The following MLLT3 variants were observed in gnomAD, a reference collection of about 807,000 sequenced individuals.
MLLT3 encodes protein AF-9.
A neutral mutation model predicts 53.2 loss-of-function variants in MLLT3; 4 were observed. The ratio of observed to expected loss-of-function variants is 0.08; its 90% CI spans 0.04 to 0.17. The LOEUF is 0.17. MLLT3 is among the 10% of genes least tolerant of loss of function. The pLI is 1.00. For synonymous variants in MLLT3, 283 were observed against 230.6 expected (o/e 1.23, Z -2.06); for missense variants, 569 against 684.0 (o/e 0.83, Z 1.87).
In MLLT3 at chr9:20,436,860, T is replaced by A. The variant is rs886640652; in HGVS notation, c.420+11263A>T. On this transcript the variant is annotated intron_variant, in intron 4 of 10. Coordinates refer to ENST00000380338, the MANE Select transcript of MLLT3 (RefSeq NM_004529.4). ...GCCCAGAATCTAAATGTATTAAAAA[T>A]AATGAAAGTGTTCATGGGTTTTTCC... Among the ~76,000 whole-genome samples the A allele has an allele frequency of 3.3e-5, 5 of 152,170 alleles. No homozygotes were observed. In the South Asian group the frequency reaches 6.2e-4, roughly 19 times the overall value.
intron 2 of MLLT3, among the ~76,000 whole-genome samples, chr9:20,594,377 T>C (rs751315334): frequency 2.2e-4 from 34 of 152,126 alleles, no homozygotes; most frequent in Non-Finnish European, 4.6e-4. Flanking sequence ...GAGACCCTAA[T>C]AGGCAGGAAT....
intron 2 of MLLT3, among the ~76,000 whole-genome samples, chr9:20,465,005 G>T (rs2118877036): frequency 6.6e-6 from 1 of 152,036 alleles, no homozygotes; most frequent in South Asian, 2.1e-4. Context: ...TTTATAAGTA[G>T]ACATAATTCT....
At chr9:20,615,290 G>C (rs1237671556) in intron 2 of MLLT3, among the ~76,000 whole-genome samples, 1 of 143,574 alleles carries the variant, frequency 7.0e-6, no homozygotes, top group East Asian at 2.2e-4. Flanking sequence ...TTGAGTCCAG[G>C]AGATGGAGGT....
At chr9:20,455,078 T>C (rs1299752711) in intron 3 of MLLT3, among the ~76,000 whole-genome samples, 1 of 152,206 alleles carries the variant, frequency 6.6e-6, no homozygotes, top group Non-Finnish European at 1.5e-5. Context: ...AAAACCATTT[T>C]CTTAAGGGAA....
chr9:20,508,198 A>C (rs1442280099), intron 2 of MLLT3, among the ~76,000 whole-genome samples: 1 of 152,192 alleles, frequency 6.6e-6, no homozygotes, highest in East Asian at 1.9e-4. Flanking sequence ...ACTGCAGGTA[A>C]ATGAAAAACC....
chr9:20,474,025 A>G (rs1404985970), intron 2 of MLLT3, among the ~76,000 whole-genome samples: 1 of 152,042 alleles, frequency 6.6e-6, no homozygotes, highest in Non-Finnish European at 1.5e-5. Flanking sequence ...AAACGATGAT[A>G]ATATAACCAG....
At chr9:20,484,683 TG>T (rs1255802150) in intron 2 of MLLT3, among the ~76,000 whole-genome samples, 1 of 152,192 alleles carries the variant, frequency 6.6e-6, no homozygotes, top group African/African-American at 2.4e-5. Flanking sequence ...TTTGCTTCTT[TG>T]TCTCTCCCAT....
intron 2 of MLLT3, among the ~76,000 whole-genome samples, chr9:20,606,575 T>C (rs1820576899): frequency 6.6e-6 from 1 of 152,070 alleles, no homozygotes; most frequent in South Asian, 2.1e-4. Flanking sequence ...CTGCACCAAT[T>C]TCAGACAAGA....
intron 2 of MLLT3, among the ~76,000 whole-genome samples, chr9:20,494,324 A>G (rs1563785790): frequency 6.6e-6 from 1 of 151,984 alleles, no homozygotes; most frequent in East Asian, 1.9e-4. Flanking sequence ...ACCATTCTTC[A>G]GGGGAGAAGA....
chr9:20,439,706 T>C (rs1012785419), intron 4 of MLLT3, among the ~76,000 whole-genome samples: 10 of 152,166 alleles, frequency 6.6e-5, no homozygotes, highest in Non-Finnish European at 1.0e-4. Flanking sequence ...AATAAAGTCA[T>C]ATATGTTTAA....
At chr9:20,419,078 G>C (rs905025547) in intron 4 of MLLT3, among the ~76,000 whole-genome samples, 1 of 152,116 alleles carries the variant, frequency 6.6e-6, no homozygotes, top group Non-Finnish European at 1.5e-5. Flanking sequence ...GGAGGAAATA[G>C]GAGGAAGCAG....
intron 2 of MLLT3, among the ~76,000 whole-genome samples, chr9:20,490,427 G>A (rs1226047195): frequency 6.6e-6 from 1 of 152,222 alleles, no homozygotes; most frequent in Admixed American, 6.5e-5. Flanking sequence ...AATGTTAAGG[G>A]CCCACATTCA....
In MLLT3 at chr9:20,621,717, C is replaced by G. The variant is rs2131220095; in HGVS notation, c.12+528G>C. The G allele has an allele frequency of 1.4e-6, 2 of 1,473,958 alleles. No homozygotes were observed. The highest frequency in any genetic ancestry group is 5.7e-5 in the East Asian group (2 of 34,796). 91.3% of individuals were successfully genotyped at this position (1,473,958 alleles called of 1,614,324 possible). A position where few individuals can be genotyped will look rare whatever the true frequency, so the allele number is the denominator to read the frequency against. On this transcript the variant is annotated intron_variant, in intron 1 of 10. Coordinates refer to ENST00000380338, the MANE Select transcript of MLLT3 (RefSeq NM_004529.4). This position sits in a 1 kb window ranked among gnomAD's most constrained non-coding sequence, Gnocchi z 7.0. ...GCTGGGGCAAAGTTGCGTGCGGCCC[C>G]GCCGCTGTCAGCCCCGCACACTTCG...
At chr9:20,480,805 G>A (rs1824642975) in intron 2 of MLLT3, among the ~76,000 whole-genome samples, 1 of 152,112 alleles carries the variant, frequency 6.6e-6, no homozygotes, top group African/African-American at 2.4e-5. Flanking sequence ...ATCTCAGAGG[G>A]CCTCATATAA....
intron 2 of MLLT3, among the ~76,000 whole-genome samples, chr9:20,493,606 A>G (rs1411957835): frequency 6.6e-6 from 1 of 152,044 alleles, no homozygotes; most frequent in Admixed American, 6.6e-5. Flanking sequence ...TAAAGAATCC[A>G]CTTAAATATC....
chr9:20,438,557 T>C (rs186184875), intron 4 of MLLT3, among the ~76,000 whole-genome samples: 55 of 152,280 alleles, frequency 3.6e-4, no homozygotes, highest in African/African-American at 1.2e-3. Flanking sequence ...CAGCTAGGAC[T>C]ATAGAGGTTT....
chr9:20,440,338 A>G (rs1823514774), intron 4 of MLLT3, among the ~76,000 whole-genome samples: 1 of 152,170 alleles, frequency 6.6e-6, no homozygotes, highest in Non-Finnish European at 1.5e-5. Flanking sequence ...TCAACCCCTG[A>G]AAATGAACCA....
chr9:20,432,276 A>G (rs1365700928), intron 4 of MLLT3, among the ~76,000 whole-genome samples: 1 of 152,214 alleles, frequency 6.6e-6, no homozygotes, highest in Non-Finnish European at 1.5e-5. Flanking sequence ...ATGCTTGAAT[A>G]ATTTTATAAT....
chr9:20,537,124 T>A (rs938727784), intron 2 of MLLT3, among the ~76,000 whole-genome samples: 13 of 152,232 alleles, frequency 8.5e-5, no homozygotes, highest in Admixed American at 5.2e-4. Context: ...ACATATGCAT[T>A]CATATACACT....
Sources: gnomAD v4.1 joint callset for allele counts (sites outside exome capture counted in the v4.1 genomes callset) on GRCh38, gnomAD v4.1.1 for gene constraint, Gnocchi (gnomAD v3.1) non-coding constraint, MANE v1.5 for transcripts, NCBI Gene and HGNC (gene_info 2026-07-23, HGNC 2026-07-21) for gene names.